Variants in ITPRID1 observed in about 807,000 individuals in gnomAD.
The protein encoded by ITPRID1 is protein ITPRID1.
A neutral mutation model predicts 95.4 loss-of-function variants in ITPRID1; 96 were observed. The observed-to-expected ratio is 1.01, with a 90% CI of 0.85 to 1.19. The LOEUF (loss-of-function observed/expected upper bound fraction) is 1.19. Ranked by LOEUF, ITPRID1 falls within the 50% of genes most tolerant of loss-of-function variation. ITPRID1 has a pLI of 0.00. For missense variants in ITPRID1, 1,339 were observed against 1,252.9 expected (o/e 1.07, Z -1.04); for synonymous variants, 510 against 453.6 (o/e 1.12, Z -1.58).
chr7:31,638,897 C>T (rs1789741755), intron 10 of ITPRID1, among the ~76,000 whole-genome samples: 1 of 152,168 alleles, frequency 6.6e-6, no homozygotes, highest in Admixed American at 6.5e-5. Flanking sequence ...TTGCCTTAGC[C>T]TCCCAAGTAG....
At chr7:31,519,753 C>G (rs1783183709) in intron 1 of ITPRID1, among the ~76,000 whole-genome samples, 1 of 150,160 alleles carries the variant, frequency 6.7e-6, no homozygotes, top group Admixed American at 6.7e-5. Flanking sequence ...TACAAAATAT[C>G]TTTTAATCCA....
chr7:31,621,860 C>A (rs910695172), intron 10 of ITPRID1, among the ~76,000 whole-genome samples: 1 of 151,724 alleles, frequency 6.6e-6, no homozygotes, highest in Non-Finnish European at 1.5e-5. Flanking sequence ...TTCAGGAAAC[C>A]CATCTCACAT....
intron 5 of ITPRID1, chr7:31,555,256 T>A (rs1784409537): frequency 6.0e-6 from 1 of 167,246 alleles, no homozygotes; most frequent in South Asian, 1.9e-4. Flanking sequence ...GAATCTAGAT[T>A]TTTTCTATTC....
chr7:31,615,686 C>CTAATAACA (rs1554292872), intron 10 of ITPRID1, among the ~76,000 whole-genome samples: 2 of 151,686 alleles, frequency 1.3e-5, no homozygotes, highest in Non-Finnish European at 2.9e-5. Flanking sequence ...AAGATCATTA[C>CTAATAACA]TAATAACATA....
At chr7:31,543,470 C>G (rs1236509731) in intron 1 of ITPRID1, among the ~76,000 whole-genome samples, 1 of 151,444 alleles carries the variant, frequency 6.6e-6, no homozygotes, top group Non-Finnish European at 1.5e-5. Context: ...TGGATTTTTA[C>G]CATTCTAATA....
intron 8 of ITPRID1, among the ~76,000 whole-genome samples, chr7:31,575,119 A>T (rs886478114): frequency 6.6e-6 from 1 of 152,158 alleles, no homozygotes; most frequent in Non-Finnish European, 1.5e-5. Flanking sequence ...ACATGGCCAC[A>T]CCTAACTCCA....
chr7:31,546,844 C>T (rs1784113656), intron 1 of ITPRID1, among the ~76,000 whole-genome samples: 1 of 151,848 alleles, frequency 6.6e-6, no homozygotes, highest in Non-Finnish European at 1.5e-5. Flanking sequence ...ACAAAGGGGC[C>T]TTTAAAGCCA....
intron 10 of ITPRID1, among the ~76,000 whole-genome samples, chr7:31,614,169 C>T (rs1562608919): frequency 6.6e-6 from 1 of 152,164 alleles, no homozygotes; most frequent in South Asian, 2.1e-4. Context: ...TTAGTCTAAA[C>T]CATCCAATGC....
intron 10 of ITPRID1, among the ~76,000 whole-genome samples, chr7:31,587,412 C>T (rs1260490979): frequency 2.0e-5 from 3 of 151,672 alleles, no homozygotes; most frequent in Admixed American, 1.3e-4. Context: ...GAATACAATA[C>T]CTAGGAATCC....
At chr7:31,640,567 T>C (rs1299020957) in intron 10 of ITPRID1, among the ~76,000 whole-genome samples, 1 of 152,226 alleles carries the variant, frequency 6.6e-6, no homozygotes, top group South Asian at 2.1e-4. Flanking sequence ...TGGGTAACTA[T>C]AGGGTTCAGA....
At chr7:31,557,864 A>G (rs1034311568) in intron 5 of ITPRID1, among the ~76,000 whole-genome samples, 3 of 152,200 alleles carry the variant, frequency 2.0e-5, no homozygotes, top group African/African-American at 7.2e-5. Flanking sequence ...AATAACATTT[A>G]CTACACGTGT....
At position 31,655,307 on chromosome 7, in the gene ITPRID1, A is replaced by T. The variant is rs1036219251; in HGVS notation, c.*2478A>T. On this transcript the variant is annotated 3_prime_UTR_variant, in exon 15 of 15. Coordinates refer to ENST00000615280, the MANE Select transcript of ITPRID1 (RefSeq NM_001257967.3). ...GCCCCTCTACCCTGCCCCCTCAGTC[A>T]GTCAATGACCACACCAATGCTGAGT... is the stretch of plus-strand genomic sequence containing the variant. Among the ~76,000 whole-genome samples the T allele has an allele frequency of 6.6e-6, 1 of 152,104 alleles. No homozygotes were observed. Among genetic ancestry groups the T allele is most frequent in the Non-Finnish European group, 1.5e-5 (1 of 68,014 alleles).
chr7:31,558,061 C>T (rs2128138573), intron 5 of ITPRID1, among the ~76,000 whole-genome samples: 1 of 152,170 alleles, frequency 6.6e-6, no homozygotes, highest in South Asian at 2.1e-4. Context: ...AGTTATTTAT[C>T]ATGGGATTGG....
intron 10 of ITPRID1, among the ~76,000 whole-genome samples, chr7:31,637,896 C>G (rs1050631532): frequency 1.2e-4 from 18 of 152,262 alleles, no homozygotes; most frequent in African/African-American, 4.1e-4. Context: ...TTTAATCCAT[C>G]TTGAATTAAT....
chr7:31,567,139 T>G (rs1784828288), intron 5 of ITPRID1, among the ~76,000 whole-genome samples: 1 of 152,204 alleles, frequency 6.6e-6, no homozygotes, highest in African/African-American at 2.4e-5. Context: ...GAGTCAAATA[T>G]TCTATTGTAA....
chr7:31,608,518 T>C lies in ITPRID1; in HGVS notation c.1228+25327T>C, dbSNP rs145364721. Among the ~76,000 whole-genome samples the C allele has an allele frequency of 2.5e-3, 382 of 151,946 alleles. 1 individual carries two copies. Among genetic ancestry groups the C allele is most frequent in the African/African-American group, 8.8e-3 (367 of 41,550 alleles). ...ATGGGATATCTTTCCATTTATTTGGTCTTCTTTAATTTCTTTCAGCAGCAT... is the reference window on the plus strand; with the variant it reads ...ATGGGATATCTTTCCATTTATTTGGCCTTCTTTAATTTCTTTCAGCAGCAT... On this transcript the variant is annotated intron_variant, in intron 10 of 14. Coordinates refer to ENST00000615280, the MANE Select transcript of ITPRID1 (RefSeq NM_001257967.3).
At chr7:31,635,766 G>A (rs1179219099) in intron 10 of ITPRID1, among the ~76,000 whole-genome samples, 1 of 151,858 alleles carries the variant, frequency 6.6e-6, no homozygotes, top group Non-Finnish European at 1.5e-5. Context: ...CACACATTGG[G>A]GCTTGTAAGG....
chr7:31,652,600 A>C lies in ITPRID1; in HGVS notation c.2906A>C (p.Gln969Pro). The change falls in exon 15 of 15, where the codon CAG (glutamine) becomes CCG (proline). Residue 969 changes from glutamine (Q) to proline (P), a missense_variant. Physicochemically the swap from Gln to Pro is moderately conservative, Grantham distance 76. Transcript: ENST00000615280. Reference sequence around the variant, plus strand: ...AACTGGATAGAAGAAAGCAATGGGCAGACTTCATGTTCTAAAATCCACCCA... The same window carrying C: ...AACTGGATAGAAGAAAGCAATGGGCCGACTTCATGTTCTAAAATCCACCCA... ...QYNWIEESNG[Q>P]TSCSKIHPGM... 1.2e-6 allele frequency: 2 copies of C among 1,613,234 alleles called. No individual in the cohort carries two copies. The highest frequency in any genetic ancestry group is 1.7e-6 in the Non-Finnish European group (2 of 1,179,586).
intron 1 of ITPRID1, among the ~76,000 whole-genome samples, chr7:31,544,044 C>A (rs1784017552): frequency 6.6e-6 from 1 of 151,948 alleles, no homozygotes; most frequent in East Asian, 1.9e-4. Context: ...TGTCAAAGAC[C>A]AGCTGACTAT....
Sources: allele counts gnomAD v4.1 joint callset (sites outside exome capture counted in the v4.1 genomes callset), GRCh38; gene constraint gnomAD v4.1.1; transcripts MANE v1.5; gene names NCBI Gene and HGNC (gene_info 2026-07-23, HGNC 2026-07-21).